The following PLCE1 variants were observed in gnomAD, a reference collection of about 807,000 sequenced individuals.
PLCE1 encodes phospholipase C epsilon 1.
Under a neutral mutation model 242.8 loss-of-function variants are expected in PLCE1, and 119 were observed. The ratio of observed to expected loss-of-function variants is 0.49; its 90% CI spans 0.42 to 0.57. The LOEUF (loss-of-function observed/expected upper bound fraction) is 0.57, where lower values mean the gene tolerates loss of function less well. Ranked by LOEUF, PLCE1 falls within the 20% of genes least tolerant of loss-of-function variation. The pLI is 0.00. For synonymous variants in PLCE1, 945 were observed against 1,017.4 expected (o/e 0.93, Z 1.35); for missense variants, 2,441 against 2,788.8 (o/e 0.88, Z 2.81).
chr10:94,062,582 G>GTT (rs5787099), intron 2 of PLCE1, among the ~76,000 whole-genome samples: 5,635 of 142,186 alleles, frequency 0.04, 292 homozygotes, highest in African/African-American at 0.12. Context: ...TCTTGGTTTT[G>GTT]TTTTTTTTTT....
rs1321859422 is a variant in PLCE1, at chr10:94,160,029, T to G, written c.1493-11151T>G. Among the ~76,000 whole-genome samples, 3 of 152,244 alleles carry G rather than the reference T, an allele frequency of 2.0e-5. No homozygotes were observed. The East Asian group carries it at 5.8e-4, about 29-fold the overall frequency. The stretch of plus-strand genomic sequence containing the variant: ...AATCTGGTCTATCATTGTTGGACAT[T>G]TGGCTTGGTTCCAAGTCTTTCCTAT... On this transcript the variant is annotated intron_variant, in intron 3 of 32. Transcript: ENST00000371380.
At chr10:94,089,461 G>T (rs1399962469) in intron 2 of PLCE1, 1 of 1,033,434 alleles carries the variant, frequency 9.7e-7, no homozygotes, top group Non-Finnish European at 1.4e-6. Context: ...GCACCATTGT[G>T]CAGTGTTAGC....
At chr10:94,256,113 C>A (rs2051086143) in intron 11 of PLCE1, among the ~76,000 whole-genome samples, 1 of 151,154 alleles carries the variant, frequency 6.6e-6, no homozygotes, top group Non-Finnish European at 1.5e-5. Flanking sequence ...TCACTTGAGC[C>A]CCCAGGAATT....
chr10:94,204,050 T>C (rs2049065047), intron 4 of PLCE1, among the ~76,000 whole-genome samples: 1 of 152,126 alleles, frequency 6.6e-6, no homozygotes, highest in African/African-American at 2.4e-5. Flanking sequence ...TATTTATGTC[T>C]CTTCGTATTT....
At chr10:94,296,518 C>A (rs538170926) in intron 23 of PLCE1, among the ~76,000 whole-genome samples, 115 of 152,242 alleles carry the variant, frequency 7.6e-4, no homozygotes, top group Non-Finnish European at 1.4e-3. Context: ...CCTCATGAAC[C>A]AACCTCTGCT....
chr10:94,084,276 A>G (rs2044737707), intron 2 of PLCE1, among the ~76,000 whole-genome samples: 1 of 152,194 alleles, frequency 6.6e-6, no homozygotes, highest in Non-Finnish European at 1.5e-5. Context: ...GGATTCCCAC[A>G]GTGTGAAAGG....
intron 7 of PLCE1, among the ~76,000 whole-genome samples, chr10:94,245,294 T>G (rs1473670757): frequency 6.6e-6 from 1 of 152,150 alleles, no homozygotes; most frequent in Non-Finnish European, 1.5e-5. Flanking sequence ...GCAAGTAGAT[T>G]GGATTTAGTA....
intron 1 of PLCE1, among the ~76,000 whole-genome samples, chr10:94,019,613 TA>T (rs1338396780): frequency 6.6e-6 from 1 of 152,218 alleles, no homozygotes; most frequent in African/African-American, 2.4e-5. Context: ...TGTTTGCCAC[TA>T]GCCACATGTG....
rs552908038 is a variant in PLCE1 at position 94,073,521 on chromosome 10, A to G, written c.1206+41269A>G. Reference sequence around the variant, plus strand: ...GATACGGAAGCAGAATTGAGAGAAGACAGTTAAAACCAGTATGGAGAAGAC... The same window carrying G: ...GATACGGAAGCAGAATTGAGAGAAGGCAGTTAAAACCAGTATGGAGAAGAC... On this transcript the variant is annotated intron_variant, in intron 2 of 32. Coordinates refer to ENST00000371380, the MANE Select transcript of PLCE1 (RefSeq NM_016341.4). Among the ~76,000 whole-genome samples the G allele has an allele frequency of 3.3e-5, 5 of 152,328 alleles. No individual in the cohort carries two copies. In the South Asian group the frequency reaches 8.3e-4, roughly 25 times the overall value.
intron 1 of PLCE1, among the ~76,000 whole-genome samples, chr10:94,012,315 G>T (rs2134280148): frequency 6.6e-6 from 1 of 152,098 alleles, no homozygotes; most frequent in East Asian, 1.9e-4. Flanking sequence ...ATTCTGCCCA[G>T]GATGAGCCCA....
intron 4 of PLCE1, among the ~76,000 whole-genome samples, chr10:94,184,113 A>G (rs2048394683): frequency 6.6e-6 from 1 of 152,180 alleles, no homozygotes; most frequent in Non-Finnish European, 1.5e-5. Context: ...GCTAGGTTGA[A>G]ACCAGCCATC....
chr10:94,043,818 C>T (rs904514437), intron 2 of PLCE1, among the ~76,000 whole-genome samples: 2 of 152,104 alleles, frequency 1.3e-5, no homozygotes, highest in African/African-American at 4.8e-5. Flanking sequence ...ATGACTCTGG[C>T]CTGACTAATA....
At chr10:94,259,195 A>G in intron 13 of PLCE1, 45 bp downstream of exon 13, 8 of 1,602,444 alleles carry the variant, frequency 5.0e-6, no homozygotes, top group Non-Finnish European at 6.8e-6. Flanking sequence ...CAATCTGTCT[A>G]AAACTTAAGG....
chr10:94,112,573 A>G (rs915164993), intron 2 of PLCE1, among the ~76,000 whole-genome samples: 2 of 152,248 alleles, frequency 1.3e-5, no homozygotes, highest in Non-Finnish European at 2.9e-5. Flanking sequence ...AGAGTTCCCA[A>G]CGAACCCTGG....
chr10:94,324,656 GGAGAA>G (rs2053943015), intron 31 of PLCE1, 89 bp downstream of exon 31: 1 of 1,178,698 alleles, frequency 8.5e-7, no homozygotes, highest in African/African-American at 1.5e-5. Flanking sequence ...GTGAAATTTA[GGAGAA>G]AGTTCCTGAG....
At chr10:94,184,486 T>A (rs1053643627) in intron 4 of PLCE1, among the ~76,000 whole-genome samples, 10 of 152,244 alleles carry the variant, frequency 6.6e-5, no homozygotes, top group South Asian at 2.1e-4. Context: ...CCTGCCACCA[T>A]GCCCAGCTAA....
intron 5 of PLCE1, among the ~76,000 whole-genome samples, chr10:94,228,427 T>A (rs1359409137): frequency 1.3e-5 from 2 of 152,210 alleles, no homozygotes; most frequent in Non-Finnish European, 2.9e-5. Context: ...AAAATGGGGA[T>A]AATACTAAAA....
chr10:94,223,038 G>A (rs2049809134), intron 4 of PLCE1, among the ~76,000 whole-genome samples: 1 of 152,024 alleles, frequency 6.6e-6, no homozygotes, highest in Non-Finnish European at 1.5e-5. Context: ...GAAACCTGGG[G>A]TCCAGGGCAG....
At chr10:94,255,420 C>G (rs547106279) in intron 11 of PLCE1, among the ~76,000 whole-genome samples, 16 of 152,260 alleles carry the variant, frequency 1.1e-4, no homozygotes, top group South Asian at 6.2e-4. Flanking sequence ...TGCTCCATAG[C>G]CACAAGAAGC....
Sources: allele counts gnomAD v4.1 joint callset (sites outside exome capture counted in the v4.1 genomes callset), GRCh38; gene constraint gnomAD v4.1.1; transcripts MANE v1.5; gene names NCBI Gene and HGNC (gene_info 2026-07-23, HGNC 2026-07-21).